RASAL2: variants seen among roughly 807,000 people sequenced by gnomAD.
The protein encoded by RASAL2 is RAS protein activator like 2, also known as ras GTPase-activating protein nGAP.
A neutral mutation model predicts 128.9 loss-of-function variants in RASAL2; 58 were observed. That is an observed-to-expected ratio of 0.45 (90% CI 0.36 to 0.56). The LOEUF is 0.56. Among genes scored for constraint, RASAL2 ranks in the 20% least tolerant of loss-of-function variants. The pLI is 0.00. For synonymous variants in RASAL2, 561 were observed against 580.8 expected, an observed-to-expected ratio of 0.97 and a Z score of 0.49; for missense variants, 1,360 against 1,601.6, an observed-to-expected ratio of 0.85 and a Z score of 2.57.
intron 1 of RASAL2, among the ~76,000 whole-genome samples, chr1:178,146,324 G>C (rs1046806507): frequency 1.3e-5 from 2 of 152,194 alleles, no homozygotes; most frequent in Non-Finnish European, 2.9e-5. Context: ...AGAGGATTTT[G>C]AGTTTATCCT....
At chr1:178,109,998 A>T (rs182597789) in intron 1 of RASAL2, among the ~76,000 whole-genome samples, 28 of 152,294 alleles carry the variant, frequency 1.8e-4, no homozygotes, top group African/African-American at 6.5e-4. Flanking sequence ...AGCCTGAGCT[A>T]CAGAGTGAGA....
intron 1 of RASAL2, among the ~76,000 whole-genome samples, chr1:178,240,555 C>G (rs1027125796): frequency 1.3e-5 from 2 of 151,546 alleles, no homozygotes; most frequent in Non-Finnish European, 2.9e-5. Context: ...GAAAAAAGAC[C>G]ACTTTAAATT....
rs1286368044 is a variant in RASAL2, at chr1:178,341,343, A to C, written c.457+41225A>C. On this transcript the variant is annotated intron_variant, in intron 3 of 17. Transcript: ENST00000367649. ...GCTGTGAAAGAAAGCCCAGTGAGTG[A>C]GTAAGGAAGGGTGGCTATTGTTTAG... 5.8e-6 allele frequency: 6 copies of C among 1,034,498 alleles called. No individual in the cohort carries two copies. In the African/African-American group the frequency reaches 1.0e-4, roughly 17 times the overall value. 64.1% of individuals were successfully genotyped at this position (1,034,498 alleles called of 1,614,324 possible).
At chr1:178,469,484 C>T (rs1648063928) in intron 17 of RASAL2, among the ~76,000 whole-genome samples, 2 of 151,974 alleles carry the variant, frequency 1.3e-5, no homozygotes, top group South Asian at 4.2e-4. Flanking sequence ...GAGGTAAAAG[C>T]CAGGGAGGGA....
intron 1 of RASAL2, among the ~76,000 whole-genome samples, chr1:178,108,125 A>G (rs753726170): frequency 2.0e-5 from 3 of 152,078 alleles, no homozygotes; most frequent in Non-Finnish European, 4.4e-5. Context: ...TTTATTATTC[A>G]TTTTTGGTTT....
At chr1:178,306,092 A>G (rs1667971877) in intron 3 of RASAL2, among the ~76,000 whole-genome samples, 1 of 152,188 alleles carries the variant, frequency 6.6e-6, no homozygotes, top group Non-Finnish European at 1.5e-5. Context: ...ATAGATTTTG[A>G]TTCATCAAAT....
At chr1:178,128,877 G>A (rs1659995566) in intron 1 of RASAL2, among the ~76,000 whole-genome samples, 1 of 151,508 alleles carries the variant, frequency 6.6e-6, no homozygotes, top group Non-Finnish European at 1.5e-5. Context: ...CTTTTTTTTG[G>A]CTGAATAAGA....
In RASAL2 at chr1:178,159,647, G is replaced by T. The variant is rs1441447660; in HGVS notation, c.202+64953G>T. On this transcript the variant is annotated intron_variant, in intron 1 of 17. Coordinates refer to ENST00000367649, the MANE Select transcript of RASAL2 (RefSeq NM_170692.4). ...ATATATTCCATAAAATGCTACTGTG[G>T]GCCGGGTGCGGTGACTCATGCCTGT... Among the ~76,000 whole-genome samples the T allele has an allele frequency of 7.9e-5, 12 of 152,046 alleles. No individual in the cohort carries two copies. The East Asian group carries it at 2.3e-3, about 29-fold the overall frequency.
intron 3 of RASAL2, among the ~76,000 whole-genome samples, chr1:178,300,528 A>T (rs1037825928): frequency 1.3e-5 from 2 of 152,198 alleles, no homozygotes; most frequent in African/African-American, 4.8e-5. Flanking sequence ...GTGTTGTCTT[A>T]TATGATGTAA....
At chr1:178,426,303 A>C (rs566510272) in intron 5 of RASAL2, among the ~76,000 whole-genome samples, 1 of 152,314 alleles carries the variant, frequency 6.6e-6, no homozygotes, top group East Asian at 1.9e-4. Flanking sequence ...CGTACAATAG[A>C]ATATTCATCA....
intron 1 of RASAL2, among the ~76,000 whole-genome samples, chr1:178,253,010 A>G (rs1203263112): frequency 6.6e-6 from 1 of 152,216 alleles, no homozygotes; most frequent in Non-Finnish European, 1.5e-5. Flanking sequence ...GGTAGCTTAA[A>G]GCAATAGAAA....
intron 1 of RASAL2, among the ~76,000 whole-genome samples, chr1:178,153,931 G>A (rs1660993700): frequency 6.6e-6 from 1 of 152,128 alleles, no homozygotes; most frequent in East Asian, 1.9e-4. Flanking sequence ...TACCTCCTGG[G>A]TGCAAGCGAG....
intron 1 of RASAL2, among the ~76,000 whole-genome samples, chr1:178,152,394 G>A (rs888321150): frequency 6.6e-6 from 1 of 152,174 alleles, no homozygotes; most frequent in Non-Finnish European, 1.5e-5. Context: ...TAAGTACAGT[G>A]TTTTGTGAGT....
chr1:178,419,804 A>G (rs1021713179), intron 4 of RASAL2, among the ~76,000 whole-genome samples: 5 of 152,342 alleles, frequency 3.3e-5, no homozygotes, highest in Non-Finnish European at 7.4e-5. Context: ...GGCAGGGGCC[A>G]TAGACTGTAA....
At chr1:178,353,407 G>A (rs567090333) in intron 3 of RASAL2, among the ~76,000 whole-genome samples, 1 of 152,296 alleles carries the variant, frequency 6.6e-6, no homozygotes, top group Non-Finnish European at 1.5e-5. Flanking sequence ...CTTTGCTAAT[G>A]CATAACAAAA....
At chr1:178,285,115 T>TC (rs1200682962) in intron 2 of RASAL2, among the ~76,000 whole-genome samples, 4 of 132,924 alleles carry the variant, frequency 3.0e-5, no homozygotes, top group Admixed American at 7.4e-5. Flanking sequence ...TTTTTTTTTT[T>TC]TTTTTTTTTT....
At chr1:178,253,536 A>G (rs548340867) in intron 1 of RASAL2, among the ~76,000 whole-genome samples, 2 of 152,186 alleles carry the variant, frequency 1.3e-5, no homozygotes, top group Admixed American at 6.5e-5. Context: ...TGTGTGAACA[A>G]TAAGGCTGTT....
chr1:178,385,019 A>G (rs1672482784), intron 3 of RASAL2, among the ~76,000 whole-genome samples: 1 of 152,220 alleles, frequency 6.6e-6, no homozygotes, highest in Non-Finnish European at 1.5e-5. Context: ...TGTAGCAGAT[A>G]CCTTTCTCAT....
At chr1:178,207,781 T>C (rs769047065) in intron 1 of RASAL2, among the ~76,000 whole-genome samples, 2 of 152,172 alleles carry the variant, frequency 1.3e-5, no homozygotes, top group African/African-American at 4.8e-5. Flanking sequence ...TTTTAACTTA[T>C]TCATTTTAGA....
Sources: allele counts gnomAD v4.1 joint callset (sites outside exome capture counted in the v4.1 genomes callset), GRCh38; gene constraint gnomAD v4.1.1; transcripts MANE v1.5; gene names NCBI Gene and HGNC (gene_info 2026-07-23, HGNC 2026-07-21).